Variants in FER observed in about 807,000 individuals in gnomAD.
The protein encoded by FER is FER tyrosine kinase, also known as tyrosine-protein kinase Fer.
FER carries 63 observed loss-of-function variants against 111.0 expected under a neutral mutation model. The ratio of observed to expected loss-of-function variants is 0.57; its 90% CI spans 0.46 to 0.70. FER has a LOEUF of 0.70. FER is among the 30% of genes least tolerant of loss of function. The pLI, the probability that FER is intolerant of heterozygous loss-of-function variation, is 0.00. For synonymous variants in FER, 327 were observed against 313.9 expected (o/e 1.04, Z -0.44); for missense variants, 914 against 954.0 (o/e 0.96, Z 0.55).
chr5:109,089,557 C>T (rs1174552575), intron 16 of FER, among the ~76,000 whole-genome samples: 2 of 152,122 alleles, frequency 1.3e-5, no homozygotes, highest in African/African-American at 4.8e-5. Context: ...TGATCCTCTA[C>T]TGAGACACTG....
chr5:108,964,269 G>T (rs760199163), intron 13 of FER, among the ~76,000 whole-genome samples: 16 of 152,152 alleles, frequency 1.1e-4, no homozygotes, highest in Non-Finnish European at 2.4e-4. Context: ...TAGTGTGTGT[G>T]TATGTGCATA....
chr5:108,879,449 G>A (rs62360791), intron 8 of FER, among the ~76,000 whole-genome samples: 34,094 of 151,280 alleles, frequency 0.23, 4,037 homozygotes, highest in African/African-American at 0.28. Context: ...CCCTGTATCT[G>A]TGTGTTCTCA....
chr5:108,953,205 G>A (rs902147372), intron 11 of FER, among the ~76,000 whole-genome samples: 11 of 150,796 alleles, frequency 7.3e-5, no homozygotes, highest in East Asian at 3.9e-4. Flanking sequence ...TAGATTATGC[G>A]TTTGTTTTTA....
At chr5:109,101,061 A>C (rs1166051541) in intron 17 of FER, among the ~76,000 whole-genome samples, 2 of 151,954 alleles carry the variant, frequency 1.3e-5, no homozygotes, top group East Asian at 3.8e-4. Context: ...AGTTATTTCA[A>C]AGGAGATTTT....
chr5:109,091,173 A>T (rs1377931631), intron 16 of FER, among the ~76,000 whole-genome samples: 2 of 152,200 alleles, frequency 1.3e-5, no homozygotes, highest in Non-Finnish European at 2.9e-5. Flanking sequence ...GAGATCTTAG[A>T]GGCTGCCACT....
In FER at chr5:109,052,108, T is replaced by G. The variant is rs1280717097; in HGVS notation, c.1924+4910T>G. The G allele has an allele frequency of 5.6e-6, 9 of 1,605,734 alleles. No homozygotes were observed. The African/African-American group carries it at 1.2e-4, about 21-fold the overall frequency. On this transcript the variant is annotated intron_variant, in intron 16 of 19. Transcript: ENST00000281092. ...CATCTCCACATTGACACCATCAGTT[T>G]GGGCAACCTTGAGTTCCTCCTCTTT...
chr5:109,034,747 T>C (rs2149873652), intron 13 of FER, among the ~76,000 whole-genome samples: 1 of 152,206 alleles, frequency 6.6e-6, no homozygotes, highest in South Asian at 2.1e-4. Flanking sequence ...AGGATTGGGC[T>C]CAACTGCCTA....
chr5:108,857,631 C>A (rs1429427018), intron 5 of FER, among the ~76,000 whole-genome samples: 2 of 152,070 alleles, frequency 1.3e-5, no homozygotes, highest in Non-Finnish European at 2.9e-5. Context: ...ATTATTATGG[C>A]AATTGTGAAA....
chr5:109,031,901 C>T (rs1423357058), intron 13 of FER, among the ~76,000 whole-genome samples: 1 of 152,142 alleles, frequency 6.6e-6, no homozygotes, highest in African/African-American at 2.4e-5. Flanking sequence ...AGAGTGTAAT[C>T]TAAGTTTATC....
At chr5:109,036,480 T>A (rs1282152257) in intron 13 of FER, among the ~76,000 whole-genome samples, 1 of 152,088 alleles carries the variant, frequency 6.6e-6, no homozygotes, top group East Asian at 1.9e-4. Context: ...GTCTGATTAC[T>A]TGTTACAACT....
chr5:109,170,352 G>T (rs1171262017), intron 17 of FER, among the ~76,000 whole-genome samples: 1 of 152,048 alleles, frequency 6.6e-6, no homozygotes, highest in African/African-American at 2.4e-5. Flanking sequence ...TCTACTCAGG[G>T]ATTAAAGAGT....
chr5:108,759,923 A>G (rs1164475550), intron 1 of FER, among the ~76,000 whole-genome samples: 1 of 152,238 alleles, frequency 6.6e-6, no homozygotes, highest in East Asian at 1.9e-4. Context: ...AGAGGGAAAA[A>G]GGGGAAACAG....
intron 5 of FER, among the ~76,000 whole-genome samples, chr5:108,836,334 A>G (rs1760657694): frequency 1.3e-5 from 2 of 152,122 alleles, no homozygotes; most frequent in Admixed American, 1.3e-4. Context: ...ATTTATGGTT[A>G]TAATTTCTTA....
chr5:108,798,930 C>A (rs188742721), intron 3 of FER, among the ~76,000 whole-genome samples: 3 of 152,134 alleles, frequency 2.0e-5, no homozygotes, highest in African/African-American at 2.4e-5. Flanking sequence ...GTTTGAGAAC[C>A]ATTGTTACAA....
chr5:109,013,137 G>A (rs144093024), intron 13 of FER, among the ~76,000 whole-genome samples: 16,633 of 150,026 alleles, frequency 0.11, 1,000 homozygotes, highest in Non-Finnish European at 0.14. Context: ...GTACAGGTTA[G>A]TTACATATGT....
At chr5:108,978,528 T>A (rs139322792) in intron 13 of FER, among the ~76,000 whole-genome samples, 2 of 152,354 alleles carry the variant, frequency 1.3e-5, no homozygotes, top group East Asian at 3.9e-4. Context: ...TGTGCTTGCA[T>A]ACAATTCACA....
At chr5:108,755,419 C>T (rs930105425) in intron 1 of FER, among the ~76,000 whole-genome samples, 1 of 152,154 alleles carries the variant, frequency 6.6e-6, no homozygotes, top group Non-Finnish European at 1.5e-5. Context: ...ATTGATGGGG[C>T]TCCCTTGTTA....
At chr5:108,866,584 A>T (rs1393559344) in intron 5 of FER, among the ~76,000 whole-genome samples, 1 of 147,088 alleles carries the variant, frequency 6.8e-6, no homozygotes, top group African/African-American at 2.5e-5. Context: ...TTAAAGTATT[A>T]AAAAAAAAAA....
At chr5:109,105,976 G>A (rs1421633930) in intron 17 of FER, among the ~76,000 whole-genome samples, 1 of 152,158 alleles carries the variant, frequency 6.6e-6, no homozygotes, top group Non-Finnish European at 1.5e-5. Context: ...TTACACATGA[G>A]GAAACTCACA....
Sources: allele counts gnomAD v4.1 joint callset (sites outside exome capture counted in the v4.1 genomes callset), GRCh38; gene constraint gnomAD v4.1.1; transcripts MANE v1.5; gene names NCBI Gene and HGNC (gene_info 2026-07-23, HGNC 2026-07-21).